The following EFCAB5 variants were observed in gnomAD, a reference collection of about 807,000 sequenced individuals.
The protein encoded by EFCAB5 is EF-hand calcium binding domain 5.
Under a neutral mutation model 167.9 loss-of-function variants are expected in EFCAB5, and 131 were observed. The observed-to-expected ratio is 0.78, with a 90% confidence interval of 0.68 to 0.90. The LOEUF (loss-of-function observed/expected upper bound fraction) is 0.90. EFCAB5 is among the 40% of genes least tolerant of loss of function. The pLI is 0.00. For missense variants in EFCAB5, 1,663 were observed against 1,745.2 expected (o/e 0.95, Z 0.84); for synonymous variants, 574 against 602.8 (o/e 0.95, Z 0.70).
At chr17:29,979,041 A>G (rs1267558152) in intron 4 of EFCAB5, among the ~76,000 whole-genome samples, 1 of 151,900 alleles carries the variant, frequency 6.6e-6, no homozygotes, top group Non-Finnish European at 1.5e-5. Context: ...TTGGAACTCA[A>G]CTCACCTCAT....
At chr17:30,045,271 AC>A (rs2069889654) in intron 8 of EFCAB5, among the ~76,000 whole-genome samples, 1 of 152,086 alleles carries the variant, frequency 6.6e-6, no homozygotes, top group East Asian at 1.9e-4. Flanking sequence ...AGTCTGGGCA[AC>A]ATGGCAAACA....
At chr17:30,054,885 T>C (rs1473169676) in intron 10 of EFCAB5, among the ~76,000 whole-genome samples, 1 of 152,228 alleles carries the variant, frequency 6.6e-6, no homozygotes. Flanking sequence ...TATGTTGCAG[T>C]ACTCTTGTTC....
At chr17:29,966,602 T>C (rs548139534) in intron 3 of EFCAB5, among the ~76,000 whole-genome samples, 7 of 152,296 alleles carry the variant, frequency 4.6e-5, no homozygotes, top group African/African-American at 1.7e-4. Flanking sequence ...CAACATGATG[T>C]GTTACTGTTG....
chr17:30,011,345 G>C (rs2068894820), intron 7 of EFCAB5, among the ~76,000 whole-genome samples: 1 of 152,184 alleles, frequency 6.6e-6, no homozygotes, highest in Admixed American at 6.5e-5. Context: ...TGTGAAGAAA[G>C]TTATTGGTAG....
At chr17:30,005,224 A>C (rs927399398) in intron 7 of EFCAB5, among the ~76,000 whole-genome samples, 3 of 152,194 alleles carry the variant, frequency 2.0e-5, no homozygotes, top group East Asian at 3.8e-4. Flanking sequence ...TATTGAGTAT[A>C]AGAAATCTCT....
rs2070250247 is a variant in EFCAB5 at position 30,055,955 on chromosome 17, G to A, written c.2262G>A (p.Lys754=). 1 of 1,612,260 alleles carries A rather than the reference G, an allele frequency of 6.2e-7. No individual in the cohort carries two copies. Among genetic ancestry groups the A allele is most frequent in the Non-Finnish European group, 8.5e-7 (1 of 1,178,488 alleles). Residue 754 remains lysine (K), a synonymous_variant, in exon 11 of 23, where the codon AAG becomes AAA. Transcript: ENST00000394835. ...CEPKSQKIEG[K]SWSGEFFTCN... ...CCAAGTCCCAAAAAATAGAAGGAAA[G>A]TCATGGTCAGGTAACTCCTCATTTA...
intron 6 of EFCAB5, among the ~76,000 whole-genome samples, chr17:29,997,326 C>T (rs980412155): frequency 3.3e-5 from 5 of 151,566 alleles, no homozygotes; most frequent in Admixed American, 2.0e-4. Context: ...CGCTAGAAGA[C>T]GTAATAGAGT....
At chr17:30,100,495 T>C (rs924784192) in intron 22 of EFCAB5, among the ~76,000 whole-genome samples, 1 of 152,146 alleles carries the variant, frequency 6.6e-6, no homozygotes, top group Admixed American at 6.5e-5. Context: ...AGGCCGGGCG[T>C]GGTGGCTCAC....
At chr17:30,101,330 T>C (rs2071380447) in intron 22 of EFCAB5, among the ~76,000 whole-genome samples, 2 of 152,198 alleles carry the variant, frequency 1.3e-5, no homozygotes, top group Non-Finnish European at 2.9e-5. Context: ...ATATTATATA[T>C]ATTTGAGAGG....
chr17:29,949,756 G>C (rs1447505074), intron 3 of EFCAB5, among the ~76,000 whole-genome samples: 3 of 152,136 alleles, frequency 2.0e-5, no homozygotes, highest in African/African-American at 7.2e-5. Flanking sequence ...TGTTTTTGTG[G>C]TTCTAAGAGA....
chr17:30,083,114 T>A (rs1334636309), intron 18 of EFCAB5, 71 bp downstream of exon 18: 1 of 1,490,960 alleles, frequency 6.7e-7, no homozygotes, highest in Admixed American at 2.3e-5. Flanking sequence ...CTTGCTAATA[T>A]TTGAAAACCA....
chr17:29,930,014 G>T, intron 1 of EFCAB5: 1 of 1,591,318 alleles, frequency 6.3e-7, no homozygotes, highest in Non-Finnish European at 8.6e-7. Flanking sequence ...GGCGCTGCTG[G>T]GTTGTTCCGG....
chr17:30,088,061 G>A (rs140880587), intron 19 of EFCAB5, among the ~76,000 whole-genome samples: 1 of 152,198 alleles, frequency 6.6e-6, no homozygotes, highest in African/African-American at 2.4e-5. Context: ...ATTCTGATTG[G>A]CTTTTAAAGA....
chr17:29,963,417 G>T (rs1334705425), intron 3 of EFCAB5, among the ~76,000 whole-genome samples: 1 of 152,074 alleles, frequency 6.6e-6, no homozygotes, highest in Non-Finnish European at 1.5e-5. Flanking sequence ...ATTTCATGTT[G>T]AAAAGGCTTT....
chr17:29,933,349 G>A (rs2067218642), intron 1 of EFCAB5, among the ~76,000 whole-genome samples: 1 of 152,194 alleles, frequency 6.6e-6, no homozygotes. Context: ...GAACGGAGCT[G>A]GACCACACTA....
intron 7 of EFCAB5, among the ~76,000 whole-genome samples, chr17:30,013,186 C>T (rs553829414): frequency 3.3e-5 from 5 of 152,258 alleles, no homozygotes; most frequent in South Asian, 4.2e-4. Flanking sequence ...TTTTGATGTG[C>T]TGCTGGATTC....
At chr17:29,976,723 A>T (rs1031537477) in intron 4 of EFCAB5, among the ~76,000 whole-genome samples, 3 of 152,134 alleles carry the variant, frequency 2.0e-5, no homozygotes, top group Non-Finnish European at 4.4e-5. Context: ...AAGAAAATGT[A>T]TTTGTTTTAA....
intron 7 of EFCAB5, among the ~76,000 whole-genome samples, chr17:30,021,633 CA>C (rs1462300766): frequency 2.0e-5 from 3 of 151,800 alleles, no homozygotes; most frequent in Non-Finnish European, 4.4e-5. Context: ...AGCACACAAT[CA>C]GACACTTTCA....
At chr17:30,026,828 A>C (rs2069335276) in intron 7 of EFCAB5, among the ~76,000 whole-genome samples, 3 of 152,042 alleles carry the variant, frequency 2.0e-5, no homozygotes, top group African/African-American at 7.2e-5. Flanking sequence ...CTCCTACTTC[A>C]GTCTCCCAGA....
Sources: allele counts gnomAD v4.1 joint callset (sites outside exome capture counted in the v4.1 genomes callset), GRCh38; gene constraint gnomAD v4.1.1; transcripts MANE v1.5; gene names NCBI Gene and HGNC (gene_info 2026-07-23, HGNC 2026-07-21).